RBFOX1: variants seen among roughly 807,000 people sequenced by gnomAD.
The protein encoded by RBFOX1 is RNA binding protein fox-1 homolog 1.
In RBFOX1, 8 loss-of-function variants were observed where a neutral mutation model predicts 57.7. The observed-to-expected ratio is 0.14, with a 90% CI of 0.08 to 0.25. RBFOX1 has a LOEUF of 0.25. RBFOX1 is among the 10% of genes least tolerant of loss of function. The probability of loss-of-function intolerance (pLI) is 1.00; values close to 1 mark genes in which losing one functional copy is unlikely to be tolerated. For missense variants in RBFOX1, 611 were observed against 548.5 expected, an observed-to-expected ratio of 1.11 and a Z score of -1.14; for synonymous variants, 326 against 222.4, an observed-to-expected ratio of 1.47 and a Z score of -4.15.
chr16:6,422,948 T>C (rs907129027), intron 2 of RBFOX1, among the ~76,000 whole-genome samples: 3 of 152,226 alleles, frequency 2.0e-5, no homozygotes, highest in African/African-American at 7.2e-5. Context: ...TCACTTAGAT[T>C]AATGGCCTCC....
At chr16:5,498,429 A>G (rs2043076584) in intron 2 of RBFOX1, among the ~76,000 whole-genome samples, 2 of 152,132 alleles carry the variant, frequency 1.3e-5, no homozygotes, top group African/African-American at 4.8e-5. Flanking sequence ...CAGGCGTCTA[A>G]GAACAAAGCT....
intron 2 of RBFOX1, among the ~76,000 whole-genome samples, chr16:6,558,957 C>T (rs570992361): frequency 6.6e-6 from 1 of 152,164 alleles, no homozygotes; most frequent in Non-Finnish European, 1.5e-5. Flanking sequence ...TTTACTTCTC[C>T]TTTCACTCTC....
chr16:7,659,585 A>AAAAAAAG (rs1252409715), intron 12 of RBFOX1, among the ~76,000 whole-genome samples: 4 of 151,256 alleles, frequency 2.6e-5, no homozygotes, highest in Non-Finnish European at 5.9e-5. Context: ...GCTGATGAGC[A>AAAAAAAG]AAAAAAGAAA....
At chr16:7,677,860 G>T (rs1364186862) in intron 14 of RBFOX1, among the ~76,000 whole-genome samples, 6 of 152,180 alleles carry the variant, frequency 3.9e-5, no homozygotes, top group African/African-American at 1.4e-4. Flanking sequence ...AATGGGAAGC[G>T]TCAGCAGCCT....
At chr16:7,018,062 C>G (rs528286085) in intron 3 of RBFOX1, among the ~76,000 whole-genome samples, 1 of 152,214 alleles carries the variant, frequency 6.6e-6, no homozygotes, top group African/African-American at 2.4e-5. Flanking sequence ...TGGCCAGCTC[C>G]TCCAGCCAAC....
intron 2 of RBFOX1, among the ~76,000 whole-genome samples, chr16:6,489,813 C>A (rs1323517697): frequency 6.6e-6 from 1 of 152,140 alleles, no homozygotes; most frequent in East Asian, 1.9e-4. Flanking sequence ...ATGACCACCT[C>A]CAACAACAGC....
intron 2 of RBFOX1, among the ~76,000 whole-genome samples, chr16:5,482,773 G>A (rs1392645494): frequency 6.6e-6 from 1 of 152,120 alleles, no homozygotes; most frequent in African/African-American, 2.4e-5. Flanking sequence ...GGACCATCTT[G>A]GTATTGCCTC....
intron 3 of RBFOX1, among the ~76,000 whole-genome samples, chr16:6,758,450 G>A (rs74494892): frequency 0.013 from 1,973 of 152,228 alleles, 36 homozygotes; most frequent in Middle Eastern, 0.048. Context: ...ATTGAACCCA[G>A]TTTGTAGCAA....
intron 1 of RBFOX1, among the ~76,000 whole-genome samples, chr16:6,131,409 A>T (rs778630391): frequency 2.0e-5 from 3 of 152,190 alleles, no homozygotes; most frequent in Non-Finnish European, 2.9e-5. Flanking sequence ...CTATGGCAGA[A>T]AAAACCTAAA....
intron 2 of RBFOX1, among the ~76,000 whole-genome samples, chr16:5,591,450 C>T (rs994917845): frequency 3.3e-5 from 5 of 152,070 alleles, no homozygotes; most frequent in African/African-American, 9.7e-5. Flanking sequence ...GGGGTTTCAC[C>T]ATGTTGGCCA....
chr16:7,132,923 A>C (rs1424176693), intron 4 of RBFOX1, among the ~76,000 whole-genome samples: 2 of 152,240 alleles, frequency 1.3e-5, no homozygotes, highest in Non-Finnish European at 2.9e-5. Flanking sequence ...CCATTTTAAC[A>C]GGATACATTT....
At chr16:6,964,794 G>C (rs557818981) in intron 3 of RBFOX1, among the ~76,000 whole-genome samples, 1 of 152,238 alleles carries the variant, frequency 6.6e-6, no homozygotes, top group East Asian at 1.9e-4. Context: ...TGTTTGAAAA[G>C]CTTAAAGCTA....
chr16:5,246,677 C>CTT (rs112913760), intron 1 of RBFOX1, among the ~76,000 whole-genome samples: 16 of 145,288 alleles, frequency 1.1e-4, no homozygotes, highest in African/African-American at 3.8e-4. Flanking sequence ...CTTTTTCTTT[C>CTT]TTTTTTTTTT....
chr16:7,542,349 C>T (rs576459241), intron 5 of RBFOX1, among the ~76,000 whole-genome samples: 6 of 152,252 alleles, frequency 3.9e-5, no homozygotes, highest in South Asian at 2.1e-4. Context: ...ACGCCAGACC[C>T]GTAACTTCCT....
intron 1 of RBFOX1, among the ~76,000 whole-genome samples, chr16:6,261,991 C>T (rs918739724): frequency 1.3e-5 from 2 of 151,696 alleles, no homozygotes; most frequent in Non-Finnish European, 2.9e-5. Flanking sequence ...CTCACACCAT[C>T]GTACTCCAGC....
intron 3 of RBFOX1, among the ~76,000 whole-genome samples, chr16:6,862,982 C>T (rs1187956100): frequency 1.8e-4 from 25 of 141,248 alleles, no homozygotes; most frequent in Non-Finnish European, 3.4e-4. Flanking sequence ...GAGACTCTGT[C>T]TAAAAAAAAA....
intron 5 of RBFOX1, among the ~76,000 whole-genome samples, chr16:7,559,969 G>T (rs912251463): frequency 4.6e-5 from 7 of 152,196 alleles, no homozygotes; most frequent in Non-Finnish European, 1.0e-4. Context: ...GACAGTGGCT[G>T]TTAAAAGAAT....
intron 3 of RBFOX1, among the ~76,000 whole-genome samples, chr16:5,768,748 G>C (rs868256640): frequency 1.3e-5 from 2 of 152,158 alleles, no homozygotes; most frequent in South Asian, 4.1e-4. Flanking sequence ...GCCAGCCTTT[G>C]CTGCTTCTGG....
intron 1 of RBFOX1, among the ~76,000 whole-genome samples, chr16:6,070,632 C>G (rs772776464): frequency 7.2e-5 from 11 of 151,814 alleles, no homozygotes; most frequent in South Asian, 4.2e-4. Flanking sequence ...CCTTTTTTTC[C>G]TTGTTAAACT....
Sources: allele counts gnomAD v4.1 joint callset (sites outside exome capture counted in the v4.1 genomes callset), GRCh38; gene constraint gnomAD v4.1.1; transcripts MANE v1.5; gene names NCBI Gene and HGNC (gene_info 2026-07-23, HGNC 2026-07-21).